RAP1A: variants seen among roughly 807,000 people sequenced by gnomAD.
RAP1A encodes RAP1A, member of RAS oncogene family, also known as ras-related protein Rap-1A.
Under a neutral mutation model 26.4 loss-of-function variants are expected in RAP1A, and 6 were observed. That is an observed-to-expected ratio of 0.23 (90% CI 0.12 to 0.45). RAP1A has a LOEUF of 0.45. Ranked by LOEUF, RAP1A falls within the 20% of genes least tolerant of loss-of-function variation. The pLI, the probability that RAP1A is intolerant of heterozygous loss-of-function variation, is 0.99. For missense variants in RAP1A, 121 were observed against 217.2 expected (o/e 0.56, Z 2.78); for synonymous variants, 73 against 79.4 (o/e 0.92, Z 0.43).
chr1:111,625,377 C>T (rs1475367837), intron 1 of RAP1A, among the ~76,000 whole-genome samples: 2 of 151,742 alleles, frequency 1.3e-5, no homozygotes, highest in Non-Finnish European at 2.9e-5. Context: ...TAAAAAGAGG[C>T]ACAAAGAACT....
At chr1:111,552,240 A>G (rs1412855427) in intron 1 of RAP1A, among the ~76,000 whole-genome samples, 1 of 152,220 alleles carries the variant, frequency 6.6e-6, no homozygotes, top group East Asian at 1.9e-4. Context: ...TTTCCAAATG[A>G]CGACATTCAT....
chr1:111,561,385 G>A (rs1657729555), intron 1 of RAP1A, among the ~76,000 whole-genome samples: 1 of 152,214 alleles, frequency 6.6e-6, no homozygotes, highest in Non-Finnish European at 1.5e-5. Context: ...CAGCCTCTCA[G>A]TGCTGGGATT....
rs1269818812 is a variant in RAP1A at position 111,611,425 on chromosome 1, T to C, written c.-28+68916T>C. Among the ~76,000 whole-genome samples the C allele has an allele frequency of 3.3e-5, 5 of 152,170 alleles. No individual in the cohort carries two copies. In the East Asian group the frequency reaches 7.7e-4, roughly 23 times the overall value. Reference sequence around the variant, plus strand: ...TTGTAAAGTGACAGTACCATGGAAATAGAAGGGAATAAAAAGCTCCACTTC... The same window carrying C: ...TTGTAAAGTGACAGTACCATGGAAACAGAAGGGAATAAAAAGCTCCACTTC... On this transcript the variant is annotated intron_variant, in intron 1 of 7. Transcript: ENST00000356415.
chr1:111,634,199 A>G (rs1238668177), intron 1 of RAP1A, among the ~76,000 whole-genome samples: 4 of 152,184 alleles, frequency 2.6e-5, no homozygotes, highest in Non-Finnish European at 5.9e-5. Flanking sequence ...AAAAACATTC[A>G]AATATTTGAG....
intron 1 of RAP1A, among the ~76,000 whole-genome samples, chr1:111,634,714 G>A (rs1185107595): frequency 2.7e-5 from 4 of 150,940 alleles, no homozygotes; most frequent in South Asian, 2.1e-4. Flanking sequence ...GTGTGATCTC[G>A]GCTCACTGCA....
intron 1 of RAP1A, among the ~76,000 whole-genome samples, chr1:111,664,114 C>T (rs930290410): frequency 6.6e-6 from 1 of 150,798 alleles, no homozygotes; most frequent in African/African-American, 2.5e-5. Flanking sequence ...TGGCTCACGC[C>T]TGTAATCCCA....
rs1662521668 is a variant in RAP1A, at chr1:111,715,655, T to A, written c.*3254T>A. ...ACTAATCTGTGTTTGGCACCTTGAT[T>A]TGCCATCATAAATGGCCACCATTTA... On this transcript the variant is annotated 3_prime_UTR_variant, in exon 8 of 8. Transcript: ENST00000369709. 1 of 152,256 alleles carries A rather than the reference T, an allele frequency of 6.6e-6. No individual in the cohort carries two copies. Among genetic ancestry groups the A allele is most frequent in the South Asian group, 2.1e-4 (1 of 4,834 alleles). 9.4% of individuals were successfully genotyped at this position (152,256 alleles called of 1,614,324 possible).
chr1:111,613,884 T>TA (rs1225791913), intron 1 of RAP1A, among the ~76,000 whole-genome samples: 2 of 152,224 alleles, frequency 1.3e-5, no homozygotes, highest in African/African-American at 2.4e-5. Flanking sequence ...TTTAGTTAAT[T>TA]CAAGTATACA....
At chr1:111,641,747 G>T (rs1347891261) in intron 1 of RAP1A, among the ~76,000 whole-genome samples, 7 of 152,102 alleles carry the variant, frequency 4.6e-5, no homozygotes, top group Non-Finnish European at 1.0e-4. Context: ...CATCCATAGT[G>T]TTTGTATACT....
In RAP1A at chr1:111,619,872, G is replaced by GGGAGGAGGAGGA. The variant is rs949595270; in HGVS notation, c.-81_-70dup. 2.5e-6 allele frequency: 1 copy of GGGAGGAGGAGGA among 394,532 alleles called. No homozygotes were observed. The highest frequency in any genetic ancestry group is 4.5e-6 in the Non-Finnish European group (1 of 224,154). The allele number at this position is 394,532 out of a possible 1,614,324, so 24.4% of individuals were successfully genotyped here. On this transcript the variant is annotated 5_prime_UTR_variant, in exon 1 of 8. Transcript: ENST00000369709. Reference sequence around the variant, plus strand: ...GGAGCAGGAGCCACGGCCGAGAGGAGGGAGGAGGAGGAGGAGGAGGTGGAG... The same window carrying GGGAGGAGGAGGA: ...GGAGCAGGAGCCACGGCCGAGAGGAGGGAGGAGGAGGAGGAGGAGGAGGAGGAGGAGGTGGAG...
chr1:111,584,579 A>G (rs752436699), intron 1 of RAP1A, among the ~76,000 whole-genome samples: 1 of 152,140 alleles, frequency 6.6e-6, no homozygotes, highest in East Asian at 1.9e-4. Flanking sequence ...TCTTAATACT[A>G]TTACACTGAG....
intron 1 of RAP1A, among the ~76,000 whole-genome samples, chr1:111,625,368 A>G (rs1269596682): frequency 6.6e-6 from 1 of 152,132 alleles, no homozygotes; most frequent in East Asian, 1.9e-4. Flanking sequence ...ACAAAACTAT[A>G]AAAAGAGGCA....
intron 1 of RAP1A, among the ~76,000 whole-genome samples, chr1:111,654,242 T>TA (rs2101142461): frequency 6.6e-6 from 1 of 152,356 alleles, no homozygotes; most frequent in South Asian, 2.1e-4. Flanking sequence ...TTATTTTTTT[T>TA]AACCTATTTT....
chr1:111,607,965 C>CCGGA (rs1197216365), intron 1 of RAP1A, among the ~76,000 whole-genome samples: 15 of 101,602 alleles, frequency 1.5e-4, no homozygotes, highest in South Asian at 3.4e-4. Flanking sequence ...CCCTCACCTC[C>CCGGA]CGGACGGGGC....
intron 1 of RAP1A, among the ~76,000 whole-genome samples, chr1:111,641,304 T>A (rs565865198): frequency 2.0e-5 from 3 of 152,320 alleles, no homozygotes; most frequent in African/African-American, 7.2e-5. Context: ...TTCTGCTTGC[T>A]CCTCCCTTCA....
At chr1:111,645,012 G>C (rs1323989672) in intron 1 of RAP1A, among the ~76,000 whole-genome samples, 2 of 152,112 alleles carry the variant, frequency 1.3e-5, no homozygotes, top group African/African-American at 4.8e-5. Context: ...ATCTCTCTCA[G>C]CTTCTGATAT....
chr1:111,641,411 G>A (rs1659887656), intron 1 of RAP1A, among the ~76,000 whole-genome samples: 1 of 152,072 alleles, frequency 6.6e-6, no homozygotes, highest in Non-Finnish European at 1.5e-5. Flanking sequence ...GATTTAACTG[G>A]GAGCTTTGAG....
intron 1 of RAP1A, among the ~76,000 whole-genome samples, chr1:111,614,339 CT>C (rs1557865834): frequency 6.6e-6 from 1 of 152,146 alleles, no homozygotes; most frequent in Non-Finnish European, 1.5e-5. Context: ...GGTATTTTTC[CT>C]GCCTTTGTAT....
intron 1 of RAP1A, among the ~76,000 whole-genome samples, chr1:111,620,767 C>T (rs2101088701): frequency 6.6e-6 from 1 of 152,274 alleles, no homozygotes; most frequent in South Asian, 2.1e-4. Flanking sequence ...TCTTGTTATC[C>T]TTCAAACTAG....
Sources: allele counts gnomAD v4.1 joint callset (sites outside exome capture counted in the v4.1 genomes callset), GRCh38; gene constraint gnomAD v4.1.1; transcripts MANE v1.5; gene names NCBI Gene and HGNC (gene_info 2026-07-23, HGNC 2026-07-21).